The following GPHN variants were observed in gnomAD, a reference collection of about 807,000 sequenced individuals.
GPHN encodes the protein gephyrin.
Under a neutral mutation model 95.5 loss-of-function variants are expected in GPHN, and 17 were observed. That is an observed-to-expected ratio of 0.18 (90% CI 0.12 to 0.27). GPHN has a LOEUF of 0.27. Among genes scored for constraint, GPHN ranks in the 10% least tolerant of loss-of-function variants. The pLI, the probability that GPHN is intolerant of heterozygous loss-of-function variation, is 1.00. For synonymous variants in GPHN, 320 were observed against 322.5 expected (o/e 0.99, Z 0.08); for missense variants, 660 against 978.1 (o/e 0.67, Z 4.34).
the GPHN span, among the ~76,000 whole-genome samples, chr14:67,415,587 A>G: frequency 1.3e-5 from 2 of 152,226 alleles, no homozygotes; most frequent in East Asian, 3.8e-4. Flanking sequence ...CCAGCAGCGT[A>G]TGACAATGCC....
the GPHN span, among the ~76,000 whole-genome samples, chr14:67,402,429 C>T: frequency 6.6e-6 from 1 of 152,046 alleles, no homozygotes; most frequent in Non-Finnish European, 1.5e-5. Context: ...ACAAACAATC[C>T]GATTATACTC....
chr14:67,087,924 A>G (rs2153667592), intron 11 of GPHN, among the ~76,000 whole-genome samples: 1 of 152,266 alleles, frequency 6.6e-6, no homozygotes, highest in African/African-American at 2.4e-5. Flanking sequence ...TTAGCAATAA[A>G]GACAGTTTCT....
At chr14:66,731,840 CCTCTG>C (rs2071794710) in intron 2 of GPHN, among the ~76,000 whole-genome samples, 1 of 152,108 alleles carries the variant, frequency 6.6e-6, no homozygotes, top group African/African-American at 2.4e-5. Context: ...GCCCTGAGCC[CCTCTG>C]CTCTGTGCAG....
chr14:67,478,030 T>C, the GPHN span, among the ~76,000 whole-genome samples: 2 of 152,222 alleles, frequency 1.3e-5, no homozygotes, highest in African/African-American at 4.8e-5. Context: ...AATAAAGACA[T>C]TTCTTAGTTA....
chr14:67,337,781 T>C, the GPHN span: 1 of 152,226 alleles, frequency 6.6e-6, no homozygotes, highest in Non-Finnish European at 1.5e-5. Flanking sequence ...TTATCACTTA[T>C]AAATAGTAAA....
At chr14:67,473,427 G>A in the GPHN span, 1 of 1,613,916 alleles carries the variant, frequency 6.2e-7, no homozygotes, top group Non-Finnish European at 8.5e-7. This position sits in a 1 kb window ranked among gnomAD's most constrained non-coding sequence, Gnocchi z 6.5. Context: ...TGCTCAGTCA[G>A]TCTTGACATG....
At chr14:67,695,556 T>G in the GPHN span, 1 of 1,455,852 alleles carries the variant, frequency 6.9e-7, no homozygotes, top group Non-Finnish European at 9.5e-7. Context: ...CAAGAAAGCT[T>G]TGGTGGGGAT....
At chr14:66,840,332 A>T (rs1056798129) in intron 4 of GPHN, among the ~76,000 whole-genome samples, 1 of 152,134 alleles carries the variant, frequency 6.6e-6, no homozygotes, top group Admixed American at 6.6e-5. Flanking sequence ...TAGTATAAGT[A>T]TACATTCCCC....
chr14:66,820,443 A>G (rs1355968467), intron 3 of GPHN, among the ~76,000 whole-genome samples: 1 of 152,170 alleles, frequency 6.6e-6, no homozygotes, highest in Non-Finnish European at 1.5e-5. Flanking sequence ...TTCTTCCTAG[A>G]TAAGGGTTTA....
intron 1 of GPHN, among the ~76,000 whole-genome samples, chr14:66,644,578 CT>C (rs2064625350): frequency 6.6e-6 from 1 of 151,970 alleles, no homozygotes; most frequent in African/African-American, 2.4e-5. Flanking sequence ...ATTTAAAGCA[CT>C]TTATTGACTT....
intron 8 of GPHN, among the ~76,000 whole-genome samples, chr14:66,959,064 A>G (rs761706953): frequency 3.3e-5 from 5 of 152,118 alleles, no homozygotes; most frequent in Non-Finnish European, 5.9e-5. Context: ...TTGAATTAAT[A>G]CCAACTTAGT....
intron 1 of GPHN, among the ~76,000 whole-genome samples, chr14:66,650,796 T>G (rs915822875): frequency 2.6e-5 from 4 of 152,214 alleles, no homozygotes; most frequent in Admixed American, 2.6e-4. Context: ...CTGGTCATTT[T>G]CTGTCAGCAT....
chr14:67,397,744 C>T, the GPHN span: 13 of 1,612,844 alleles, frequency 8.1e-6, no homozygotes, highest in Middle Eastern at 1.7e-4. Flanking sequence ...GGTCACTCTC[C>T]GACCCCCCTC....
chr14:67,018,008 G>T (rs1398047414), intron 9 of GPHN, among the ~76,000 whole-genome samples: 1 of 152,102 alleles, frequency 6.6e-6, no homozygotes, highest in Admixed American at 6.5e-5. Context: ...TGTATTTAAT[G>T]TAGTGGGAAA....
intron 10 of GPHN, among the ~76,000 whole-genome samples, chr14:67,043,210 A>C (rs1457923041): frequency 6.6e-6 from 1 of 152,130 alleles, no homozygotes; most frequent in African/African-American, 2.4e-5. Flanking sequence ...TTCCTATTTG[A>C]ATATCCTTTA....
intron 1 of GPHN, among the ~76,000 whole-genome samples, chr14:66,617,659 T>C (rs1240124255): frequency 6.6e-6 from 1 of 152,230 alleles, no homozygotes; most frequent in Non-Finnish European, 1.5e-5. Context: ...GCCATCTAGA[T>C]AGTCTTAATC....
the GPHN span, chr14:67,650,782 G>C: frequency 6.2e-7 from 1 of 1,614,144 alleles, no homozygotes; most frequent in Admixed American, 1.7e-5. Flanking sequence ...AAGAGGCGAA[G>C]ACTACAGCTA....
the GPHN span, among the ~76,000 whole-genome samples, chr14:67,297,336 TATCTC>T: frequency 6.6e-6 from 1 of 152,206 alleles, no homozygotes; most frequent in Non-Finnish European, 1.5e-5. Flanking sequence ...TGCACACACA[TATCTC>T]ATTTAAACTG....
At chr14:66,546,025 G>A (rs1192299021) in intron 1 of GPHN, among the ~76,000 whole-genome samples, 1 of 150,940 alleles carries the variant, frequency 6.6e-6, no homozygotes, top group Admixed American at 6.6e-5. Context: ...GGGGCGGCCG[G>A]GCAGAGACGC....
Sources: allele counts gnomAD v4.1 joint callset (sites outside exome capture counted in the v4.1 genomes callset), GRCh38; gene constraint gnomAD v4.1.1; non-coding constraint Gnocchi (gnomAD v3.1); transcripts MANE v1.5; gene names NCBI Gene and HGNC (gene_info 2026-07-23, HGNC 2026-07-21).